The following ERC1 variants were observed in gnomAD, a reference collection of about 807,000 sequenced individuals.
The protein encoded by ERC1 is ELKS/RAB6-interacting/CAST family member 1.
ERC1 carries 56 observed loss-of-function variants against 132.0 expected under a neutral mutation model. The ratio of observed to expected loss-of-function variants is 0.42; its 90% CI spans 0.34 to 0.53. ERC1 has a LOEUF of 0.53. Ranked by LOEUF, ERC1 falls within the 20% of genes least tolerant of loss-of-function variation. ERC1 has a pLI of 0.03. For synonymous variants in ERC1, 478 were observed against 476.1 expected, an observed-to-expected ratio of 1.00 and a Z score of -0.05; for missense variants, 1,202 against 1,349.9, an observed-to-expected ratio of 0.89 and a Z score of 1.72.
chr12:1,132,475 C>G (rs529518979), intron 7 of ERC1, among the ~76,000 whole-genome samples: 7 of 152,304 alleles, frequency 4.6e-5, no homozygotes, highest in Admixed American at 2.6e-4. Context: ...TTGACACTCT[C>G]TCAGTGCCGT....
intron 3 of ERC1, among the ~76,000 whole-genome samples, chr12:1,098,709 A>C (rs1944332905): frequency 6.6e-6 from 1 of 152,200 alleles, no homozygotes; most frequent in African/African-American, 2.4e-5. Context: ...TAGACATCTA[A>C]ATAGAGATGC....
intron 2 of ERC1, among the ~76,000 whole-genome samples, chr12:1,053,525 G>A (rs1972408320): frequency 6.6e-6 from 1 of 152,212 alleles, no homozygotes; most frequent in South Asian, 2.1e-4. Context: ...TTCGAAGCAA[G>A]GGCTTTGGAA....
At chr12:1,161,127 TATGTGCTAGGCAAAGACATATAG>T (rs1360414712) in intron 8 of ERC1, among the ~76,000 whole-genome samples, 1 of 152,182 alleles carries the variant, frequency 6.6e-6, no homozygotes, top group African/African-American at 2.4e-5. Context: ...TGTTTTCCAC[TATGTGCTAGGCAAAGACATATAG>T]ATGTGGTCTC....
intron 8 of ERC1, among the ~76,000 whole-genome samples, chr12:1,173,739 G>A (rs1171815835): frequency 1.3e-5 from 2 of 152,232 alleles, no homozygotes; most frequent in Non-Finnish European, 2.9e-5. Context: ...TGAAAAAGAA[G>A]AGAATAATGA....
intron 12 of ERC1, among the ~76,000 whole-genome samples, chr12:1,229,482 G>T (rs59508902): frequency 0.028 from 4,317 of 152,188 alleles, 210 homozygotes; most frequent in African/African-American, 0.098. Context: ...AACAAAGCAA[G>T]AATGAATCTC....
intron 12 of ERC1, among the ~76,000 whole-genome samples, chr12:1,212,156 G>T (rs6489270): frequency 6.6e-6 from 1 of 151,922 alleles, no homozygotes; most frequent in East Asian, 1.9e-4. Flanking sequence ...GGTAAGCTAC[G>T]CATTCCTTGC....
intron 18 of ERC1, among the ~76,000 whole-genome samples, chr12:1,489,670 G>A (rs1006338): frequency 0.89 from 135,125 of 152,308 alleles, 60,097 homozygotes; most frequent in African/African-American, 0.94. Context: ...TAATGTACCG[G>A]ATGAAAGCGA....
At chr12:1,007,540 C>CTGTG (rs10570281) in intron 1 of ERC1, among the ~76,000 whole-genome samples, 34 of 122,704 alleles carry the variant, frequency 2.8e-4, no homozygotes, top group African/African-American at 1.1e-3. Flanking sequence ...CTCTCTCTCT[C>CTGTG]TGTGTGTGTG....
chr12:1,106,189 G>C (rs1378078052), intron 4 of ERC1, among the ~76,000 whole-genome samples: 1 of 152,144 alleles, frequency 6.6e-6, no homozygotes, highest in Non-Finnish European at 1.5e-5. Flanking sequence ...CCAGTGGGTC[G>C]TTTTGAGGTT....
chr12:1,166,881 A>G (rs754530452), intron 8 of ERC1, among the ~76,000 whole-genome samples: 5 of 152,212 alleles, frequency 3.3e-5, no homozygotes, highest in Admixed American at 6.5e-5. Context: ...GCTAAGGTGT[A>G]ATATAAATGG....
At chr12:1,394,188 C>T (rs774342873) in intron 16 of ERC1, among the ~76,000 whole-genome samples, 1 of 151,580 alleles carries the variant, frequency 6.6e-6, no homozygotes, top group Non-Finnish European at 1.5e-5. Context: ...ATCACGAGGT[C>T]AGGAGATCGA....
intron 14 of ERC1, 73 bp downstream of exon 14, chr12:1,263,238 G>A (rs900936469): frequency 6.9e-7 from 1 of 1,440,132 alleles, no homozygotes; most frequent in African/African-American, 1.4e-5. Context: ...GTATAGTTTA[G>A]GTAAACTATA....
chr12:1,340,916 G>A (rs1256668039), intron 15 of ERC1, among the ~76,000 whole-genome samples: 3 of 152,034 alleles, frequency 2.0e-5, no homozygotes, highest in African/African-American at 7.2e-5. Context: ...TCTCTTTTAA[G>A]GATGTGTTTT....
intron 8 of ERC1, among the ~76,000 whole-genome samples, chr12:1,167,974 C>T (rs1566130391): frequency 6.6e-6 from 1 of 152,040 alleles, no homozygotes; most frequent in Non-Finnish European, 1.5e-5. Context: ...TTGGCCTCCC[C>T]AAGTGCTGGG....
intron 7 of ERC1, among the ~76,000 whole-genome samples, chr12:1,120,185 G>T (rs1946919820): frequency 1.3e-5 from 2 of 151,774 alleles, no homozygotes; most frequent in African/African-American, 4.8e-5. Context: ...GTAGAGACAG[G>T]GTCTCACTAT....
At chr12:1,141,377 G>A (rs934939484) in intron 7 of ERC1, among the ~76,000 whole-genome samples, 1 of 152,116 alleles carries the variant, frequency 6.6e-6, no homozygotes, top group Non-Finnish European at 1.5e-5. Context: ...GAGACTAAGG[G>A]CTTGATTTAG....
rs35134824 is a variant in ERC1 at position 1,066,836 on chromosome 12, CAAAAAA to C, written c.670-16315_670-16310del. 3.8e-5 allele frequency among the ~76,000 whole-genome samples: 5 copies of C among 130,256 alleles called. No homozygotes were observed. In the East Asian group the frequency reaches 6.6e-4, roughly 17 times the overall value. The allele number at this position is 130,256 out of a possible 152,430, so 85.5% of individuals were successfully genotyped here. A position where few individuals can be genotyped will look rare whatever the true frequency, so the allele number is the denominator to read the frequency against. On this transcript the variant is annotated intron_variant, in intron 2 of 18. Transcript: ENST00000360905. ...TGGGCAACAGAGCGAGACTCTGTCT[CAAAAAA>C]AAAAAAAAAAAATTAGCAAGAAGGA...
At chr12:1,000,341 CT>C (rs1267941532) in intron 1 of ERC1, among the ~76,000 whole-genome samples, 1 of 152,022 alleles carries the variant, frequency 6.6e-6, no homozygotes, top group Non-Finnish European at 1.5e-5. Flanking sequence ...AAAAAATTAG[CT>C]GGGTGTGGTG....
At chr12:1,256,325 G>A (rs1384907114) in intron 13 of ERC1, among the ~76,000 whole-genome samples, 1 of 146,744 alleles carries the variant, frequency 6.8e-6, no homozygotes, top group Non-Finnish European at 1.5e-5. Context: ...AAGACTAGAA[G>A]CAGTTATAAT....
Sources: gnomAD v4.1 joint callset for allele counts (sites outside exome capture counted in the v4.1 genomes callset) on GRCh38, gnomAD v4.1.1 for gene constraint, MANE v1.5 for transcripts, NCBI Gene and HGNC (gene_info 2026-07-23, HGNC 2026-07-21) for gene names.